The following SEC24B variants were observed in gnomAD, a reference collection of about 807,000 sequenced individuals.
SEC24B encodes protein transport protein Sec24B.
A neutral mutation model predicts 142.8 loss-of-function variants in SEC24B; 45 were observed. The ratio of observed to expected loss-of-function variants is 0.32; its 90% confidence interval spans 0.25 to 0.40. SEC24B has a LOEUF of 0.40. Among genes scored for constraint, SEC24B ranks in the 10% least tolerant of loss-of-function variants. SEC24B has a pLI of 1.00. For missense variants in SEC24B, 1,409 were observed against 1,526.8 expected (o/e 0.92, Z 1.29); for synonymous variants, 574 against 568.2 (o/e 1.01, Z -0.15).
chr4:109,487,613 A>G (rs1734512507), intron 4 of SEC24B, among the ~76,000 whole-genome samples: 1 of 152,256 alleles, frequency 6.6e-6, no homozygotes. Flanking sequence ...TGTTTTATAA[A>G]AATACCTTTT....
At chr4:109,434,170 G>C (rs1728149051) in intron 1 of SEC24B, among the ~76,000 whole-genome samples, 168 bp downstream of exon 1, 1 of 151,214 alleles carries the variant, frequency 6.6e-6, no homozygotes, top group Admixed American at 6.6e-5. Flanking sequence ...GGTTGGGTGC[G>C]GGTAGGGGGC....
At chr4:109,434,060 G>A (rs1196040544) in intron 1 of SEC24B, 58 bp downstream of exon 1, 4 of 1,013,352 alleles carry the variant, frequency 3.9e-6, no homozygotes, top group South Asian at 4.6e-5. Context: ...CGGCCTGCAC[G>A]GCCACATCGG....
chr4:109,482,936 CTA>C (rs775978447), intron 4 of SEC24B, among the ~76,000 whole-genome samples: 1,457 of 33,862 alleles, frequency 0.043, 50 homozygotes, highest in Non-Finnish European at 0.065. Context: ...CAGGCTTGTA[CTA>C]TATATATATA....
At chr4:109,519,627 G>A (rs1364482694) in intron 11 of SEC24B, among the ~76,000 whole-genome samples, 9 of 152,088 alleles carry the variant, frequency 5.9e-5, no homozygotes, top group Admixed American at 5.9e-4. Context: ...ATTAGTCTGT[G>A]GAAACATCAT....
chr4:109,440,629 A>T (rs1461894745), intron 1 of SEC24B, among the ~76,000 whole-genome samples: 3 of 152,214 alleles, frequency 2.0e-5, no homozygotes, highest in Non-Finnish European at 4.4e-5. Context: ...TTGTTTATAG[A>T]ACTACATTTA....
At chr4:109,518,752 C>T (rs968197737) in intron 11 of SEC24B, among the ~76,000 whole-genome samples, 7 of 150,324 alleles carry the variant, frequency 4.7e-5, no homozygotes, top group African/African-American at 1.7e-4. Context: ...GAAGACTGCT[C>T]TACAGAAATG....
intron 4 of SEC24B, 115 bp downstream of exon 4, chr4:109,481,896 C>A: frequency 1.4e-6 from 1 of 708,656 alleles, no homozygotes; most frequent in African/African-American, 1.7e-5. Flanking sequence ...GCATGATGAA[C>A]TTACGAGGTT....
chr4:109,463,293 T>C lies in SEC24B; in HGVS notation c.526T>C (p.Phe176Leu). Reference protein sequence around the residue: ...SASSSVASQGFPSTCGHYAMS... With the variant: ...SASSSVASQGLPSTCGHYAMS... ...CAGCTCTTCTGTTGCGTCTCAGGGA[T>C]TTCCCTCTACTTGTGGTCATTATGC... is the stretch of plus-strand genomic sequence containing the variant. Residue 176 changes from phenylalanine to leucine, a missense_variant, in exon 2 of 24, where the codon TTT (phenylalanine) becomes CTT (leucine). This residue lies in a region of SEC24B where 709 missense variants were observed against 673.5 expected (regional missense o/e 1.05). Transcript: ENST00000265175. 6.2e-7 allele frequency: 1 copy of C among 1,614,180 alleles called. No individual in the cohort carries two copies. Among genetic ancestry groups the C allele is most frequent in the Non-Finnish European group, 8.5e-7 (1 of 1,180,026 alleles).
chr4:109,526,423 T>C (rs760941812), intron 17 of SEC24B, 24 bp downstream of exon 17: 30 of 1,567,410 alleles, frequency 1.9e-5, no homozygotes, highest in African/African-American at 1.6e-4. Flanking sequence ...AAATGAAATA[T>C]AGTCTGCAGC....
Position 109,494,653 on chromosome 4 carries a change from C to A in SEC24B, c.1285C>A (p.Pro429Thr). 6.2e-7 allele frequency: 1 copy of A among 1,614,058 alleles called. No individual in the cohort carries two copies. Among genetic ancestry groups the A allele is most frequent in the South Asian group, 1.1e-5 (1 of 91,084 alleles). Residue 429 changes from proline (P) to threonine (T), a missense_variant, in exon 6 of 24, where the codon CCC becomes ACC. Coordinates refer to ENST00000265175, the MANE Select transcript of SEC24B (RefSeq NM_006323.5). Reference sequence around the variant, plus strand: ...ATCAGCAAGCAGTCCTGCTCCTGATCCCGCCCCTGAACCTGATCCTGCTTC... The same window carrying A: ...ATCAGCAAGCAGTCCTGCTCCTGATACCGCCCCTGAACCTGATCCTGCTTC... The part of the protein sequence containing the change: ...SSSASSPAPD[P>T]APEPDPASAP...
intron 1 of SEC24B, among the ~76,000 whole-genome samples, chr4:109,448,282 A>G (rs1729672143): frequency 6.6e-6 from 1 of 152,168 alleles, no homozygotes; most frequent in Non-Finnish European, 1.5e-5. Flanking sequence ...AACCATTAGA[A>G]GGCATCAAAC....
intron 7 of SEC24B, among the ~76,000 whole-genome samples, chr4:109,508,055 C>A (rs938090771): frequency 6.6e-6 from 1 of 152,144 alleles, no homozygotes; most frequent in African/African-American, 2.4e-5. Context: ...AGAAGTGGAG[C>A]TGCTTTGAGA....
At chr4:109,538,468 T>C (rs1421533726) in intron 22 of SEC24B, 25 bp from the exon 23 acceptor site, 3 of 1,513,512 alleles carry the variant, frequency 2.0e-6, no homozygotes. Flanking sequence ...AAAGGAAAGT[T>C]TCCTAATTGT....
intron 6 of SEC24B, among the ~76,000 whole-genome samples, chr4:109,504,445 C>CT (rs1416176461): frequency 6.6e-6 from 1 of 151,952 alleles, no homozygotes; most frequent in Non-Finnish European, 1.5e-5. Flanking sequence ...GGTAAAATAA[C>CT]TGAGTCTGTT....
At chr4:109,456,398 A>C (rs1398471464) in intron 1 of SEC24B, among the ~76,000 whole-genome samples, 2 of 134,576 alleles carry the variant, frequency 1.5e-5, no homozygotes, top group Non-Finnish European at 3.1e-5. Flanking sequence ...TTCTTGCCTC[A>C]CTGAAGGGGC....
intron 17 of SEC24B, among the ~76,000 whole-genome samples, chr4:109,526,726 G>T (rs1478573127): frequency 6.6e-6 from 1 of 152,080 alleles, no homozygotes; most frequent in Non-Finnish European, 1.5e-5. Flanking sequence ...GCCTTCATTT[G>T]TTACTTGACA....
In SEC24B at chr4:109,463,600, A is replaced by G. The variant is rs1443608379; in HGVS notation, c.833A>G (p.His278Arg). 5 of 1,614,090 alleles carry G rather than the reference A, an allele frequency of 3.1e-6. No individual in the cohort carries two copies. In the South Asian group the frequency reaches 5.5e-5, roughly 18 times the overall value. Residue 278 changes from histidine (H) to arginine (R), a missense_variant, in exon 2 of 24, where the codon CAC becomes CGC. Transcript: ENST00000265175. ...PSTQDNLIRN[H>R]TGSLAVANNN... ...ACTCAAGACAATCTCATCCGAAACCACACAGGATCCCTGGCTGTAGCGAAC... is the reference window on the plus strand; with the variant it reads ...ACTCAAGACAATCTCATCCGAAACCGCACAGGATCCCTGGCTGTAGCGAAC...
At chr4:109,526,637 C>T (rs988146950) in intron 17 of SEC24B, among the ~76,000 whole-genome samples, 4 of 152,100 alleles carry the variant, frequency 2.6e-5, no homozygotes, top group Admixed American at 6.5e-5. Flanking sequence ...TGTTTCAAAA[C>T]AGTTCATGCT....
At chr4:109,442,425 G>C (rs553644670) in intron 1 of SEC24B, among the ~76,000 whole-genome samples, 1 of 152,268 alleles carries the variant, frequency 6.6e-6, no homozygotes, top group Non-Finnish European at 1.5e-5. Flanking sequence ...GGTGCATACT[G>C]ACTGAATATT....
Sources: allele counts gnomAD v4.1 joint callset (sites outside exome capture counted in the v4.1 genomes callset), GRCh38; gene constraint gnomAD v4.1.1; regional missense constraint gnomAD v4.1.1; transcripts MANE v1.5; gene names NCBI Gene and HGNC (gene_info 2026-07-23, HGNC 2026-07-21).